The following GPC6 variants were observed in gnomAD, a reference collection of about 807,000 sequenced individuals.
GPC6 encodes the protein glypican-6.
GPC6 carries 14 observed loss-of-function variants against 55.2 expected under a neutral mutation model. The observed-to-expected ratio is 0.25, with a 90% confidence interval of 0.17 to 0.40. The LOEUF (loss-of-function observed/expected upper bound fraction) is 0.40, where lower values mean the gene tolerates loss of function less well. GPC6 is among the 10% of genes least tolerant of loss of function. GPC6 has a pLI of 1.00. For synonymous variants in GPC6, 278 were observed against 259.6 expected, an observed-to-expected ratio of 1.07 and a Z score of -0.68; for missense variants, 641 against 708.5, an observed-to-expected ratio of 0.90 and a Z score of 1.08.
intron 2 of GPC6, among the ~76,000 whole-genome samples, chr13:93,692,777 C>T (rs1882303726): frequency 6.6e-6 from 1 of 151,916 alleles, no homozygotes; most frequent in African/African-American, 2.4e-5. Flanking sequence ...CTGTTCAAGA[C>T]CTTACTTTTC....
chr13:94,369,058 T>C (rs976418223), intron 6 of GPC6, among the ~76,000 whole-genome samples: 4 of 152,178 alleles, frequency 2.6e-5, no homozygotes, highest in African/African-American at 9.7e-5. Context: ...CTCCAGCCTA[T>C]AAAATATTCA....
At chr13:93,735,924 G>A (rs1009000966) in intron 2 of GPC6, among the ~76,000 whole-genome samples, 2 of 152,160 alleles carry the variant, frequency 1.3e-5, no homozygotes, top group Middle Eastern at 3.2e-3. Context: ...CTTGCCCAAG[G>A]GTCTTGTTCC....
chr13:93,735,047 T>C (rs1232351646), intron 2 of GPC6, among the ~76,000 whole-genome samples: 2 of 152,192 alleles, frequency 1.3e-5, no homozygotes, highest in Admixed American at 1.3e-4. Flanking sequence ...TGTCCATATG[T>C]GTATGTATAT....
At chr13:93,710,921 T>A (rs1312514573) in intron 2 of GPC6, among the ~76,000 whole-genome samples, 5 of 151,800 alleles carry the variant, frequency 3.3e-5, no homozygotes, top group Non-Finnish European at 7.4e-5. Context: ...AACAATATAA[T>A]CATATACTCA....
intron 4 of GPC6, among the ~76,000 whole-genome samples, chr13:94,061,891 G>A (rs1884342900): frequency 1.3e-5 from 2 of 152,120 alleles, no homozygotes; most frequent in Admixed American, 1.3e-4. Flanking sequence ...AGTCTTTGGT[G>A]AATTATGCTC....
intron 2 of GPC6, among the ~76,000 whole-genome samples, chr13:93,718,858 T>G (rs1046312771): frequency 1.3e-5 from 2 of 152,126 alleles, no homozygotes; most frequent in African/African-American, 4.8e-5. Context: ...CCTCATTCCT[T>G]GTTTTTGTCA....
At chr13:94,026,281 T>A (rs1216962983) in intron 3 of GPC6, among the ~76,000 whole-genome samples, 1 of 152,150 alleles carries the variant, frequency 6.6e-6, no homozygotes, top group Non-Finnish European at 1.5e-5. Context: ...TCAAAATTGA[T>A]CCTAGGTAAG....
rs1881016401 is a variant in GPC6, at chr13:93,360,769, G to A, written c.160+133153G>A. The stretch of plus-strand genomic sequence containing the variant: ...CGCTTTTGGTTTCCAAACACTTTCT[G>A]TTAGAAATATATTCAATAGGTTCAC... On this transcript the variant is annotated intron_variant, in intron 1 of 8. Transcript: ENST00000377047. 5.3e-5 allele frequency among the ~76,000 whole-genome samples: 8 copies of A among 152,008 alleles called. No homozygotes were observed. The South Asian group carries it at 1.7e-3, about 32-fold the overall frequency.
chr13:93,992,999 C>A (rs1881378529), intron 3 of GPC6, among the ~76,000 whole-genome samples: 1 of 116,484 alleles, frequency 8.6e-6, no homozygotes, highest in Admixed American at 9.5e-5. Flanking sequence ...CATCTGATTT[C>A]TTTTTGACGG....
At chr13:94,214,399 G>A (rs1204248176) in intron 4 of GPC6, among the ~76,000 whole-genome samples, 2 of 152,148 alleles carry the variant, frequency 1.3e-5, no homozygotes, top group African/African-American at 2.4e-5. Context: ...TGGGTAGGTA[G>A]GGAATTTAAT....
At chr13:93,727,883 A>G (rs1320551) in intron 2 of GPC6, among the ~76,000 whole-genome samples, 143,082 of 152,158 alleles carry the variant, frequency 0.94, 67,305 homozygotes, top group Admixed American at 0.97. Flanking sequence ...AAACATTCCT[A>G]ACCAGGTATC....
intron 2 of GPC6, among the ~76,000 whole-genome samples, chr13:93,739,326 A>C (rs1297536249): frequency 6.6e-6 from 1 of 152,172 alleles, no homozygotes; most frequent in Non-Finnish European, 1.5e-5. Flanking sequence ...TGAATATATA[A>C]AAGGGAGTCA....
intron 1 of GPC6, among the ~76,000 whole-genome samples, chr13:93,529,872 A>G (rs949069893): frequency 2.0e-5 from 3 of 152,122 alleles, no homozygotes; most frequent in South Asian, 2.1e-4. Context: ...ACCAGGCATT[A>G]TACCTAACCC....
chr13:93,363,291 C>G (rs558085427), intron 1 of GPC6, among the ~76,000 whole-genome samples: 5 of 151,132 alleles, frequency 3.3e-5, no homozygotes, highest in Non-Finnish European at 7.4e-5. Flanking sequence ...CTCCTCCCCC[C>G]ACCCCACAAC....
chr13:93,986,906 A>G (rs944986581), intron 3 of GPC6, among the ~76,000 whole-genome samples: 1 of 152,200 alleles, frequency 6.6e-6, no homozygotes, highest in Non-Finnish European at 1.5e-5. Context: ...AAAATATAGT[A>G]CTGATATTTT....
chr13:93,869,064 C>T (rs552142191), intron 3 of GPC6, among the ~76,000 whole-genome samples: 2 of 151,780 alleles, frequency 1.3e-5, no homozygotes, highest in Admixed American at 6.6e-5. Flanking sequence ...TTAATATACC[C>T]GTGCTACTAA....
chr13:93,691,404 T>TA (rs397938731), intron 2 of GPC6, among the ~76,000 whole-genome samples: 1 of 151,922 alleles, frequency 6.6e-6, no homozygotes, highest in East Asian at 1.9e-4. Flanking sequence ...ATATTTTTTT[T>TA]AAATTATCTT....
chr13:93,601,983 G>T (rs1307034472), intron 2 of GPC6, among the ~76,000 whole-genome samples: 1 of 152,060 alleles, frequency 6.6e-6, no homozygotes, highest in Non-Finnish European at 1.5e-5. Flanking sequence ...GTTCCTTTTT[G>T]CTTTAAATCC....
intron 4 of GPC6, among the ~76,000 whole-genome samples, chr13:94,088,945 G>A (rs9556352): frequency 0.79 from 120,397 of 152,002 alleles, 48,010 homozygotes; most frequent in South Asian, 0.88. Flanking sequence ...TGATTTTGTC[G>A]TAATTGATGA....
Sources: allele counts gnomAD v4.1 joint callset (sites outside exome capture counted in the v4.1 genomes callset), GRCh38; gene constraint gnomAD v4.1.1; transcripts MANE v1.5; gene names NCBI Gene and HGNC (gene_info 2026-07-23, HGNC 2026-07-21).